Variants in EXOC4 observed in about 807,000 individuals in gnomAD.
The protein encoded by EXOC4 is exocyst complex component 4.
EXOC4 carries 71 observed loss-of-function variants against 107.2 expected under a neutral mutation model. That is an observed-to-expected ratio of 0.66 (90% CI 0.55 to 0.81). The LOEUF (loss-of-function observed/expected upper bound fraction) is 0.81, where lower values mean the gene tolerates loss of function less well. EXOC4 is among the 30% of genes least tolerant of loss of function. EXOC4 has a pLI of 0.00. For synonymous variants in EXOC4, 456 were observed against 441.2 expected (o/e 1.03, Z -0.42); for missense variants, 1,108 against 1,189.6 (o/e 0.93, Z 1.01).
chr7:133,750,300 C>G (rs16874341), intron 10 of EXOC4, among the ~76,000 whole-genome samples: 1 of 151,800 alleles, frequency 6.6e-6, no homozygotes, highest in Non-Finnish European at 1.5e-5. Flanking sequence ...ATTTAGATCT[C>G]GATGTGTTTA....
chr7:133,526,954 G>A (rs956474919), intron 9 of EXOC4, among the ~76,000 whole-genome samples: 1 of 151,154 alleles, frequency 6.6e-6, no homozygotes, highest in Admixed American at 6.6e-5. Context: ...CCTGGCAACA[G>A]AGCGAGACTC....
At chr7:133,815,080 G>T (rs1042162656) in intron 10 of EXOC4, among the ~76,000 whole-genome samples, 2 of 152,096 alleles carry the variant, frequency 1.3e-5, no homozygotes, top group African/African-American at 4.8e-5. Flanking sequence ...AATCAATGAG[G>T]ATAGTCACAA....
rs561606144 is a variant in EXOC4, at chr7:133,743,203, G to A, written c.1515-74122G>A. ...AGAAAAATTAAAAGGAAAAGTCAAG[G>A]TAATTAGGCTAAAGCTGCTGCTTAT... On this transcript the variant is annotated intron_variant, in intron 10 of 17. Transcript: ENST00000253861. Among the ~76,000 whole-genome samples the A allele has an allele frequency of 4.2e-4, 64 of 152,244 alleles. No homozygotes were observed. The South Asian group carries it at 0.012, about 28-fold the overall frequency.
intron 17 of EXOC4, among the ~76,000 whole-genome samples, chr7:134,019,365 A>AT (rs199816671): frequency 7.7e-4 from 116 of 151,498 alleles, no homozygotes; most frequent in African/African-American, 2.1e-3. Context: ...AAGACATGTG[A>AT]TTTTTTTTTA....
At chr7:133,325,812 A>G (rs1795225237) in intron 5 of EXOC4, among the ~76,000 whole-genome samples, 1 of 152,184 alleles carries the variant, frequency 6.6e-6, no homozygotes, top group African/African-American at 2.4e-5. Flanking sequence ...AGTGTTTTCC[A>G]ACTTGGTTCC....
At chr7:134,068,914 A>G (rs925047044), downstream of EXOC4, among the ~76,000 whole-genome samples, 8 of 152,194 alleles carry the variant, frequency 5.3e-5, no homozygotes, top group Non-Finnish European at 1.0e-4. Flanking sequence ...ATTGCCTGTT[A>G]CAGCTCAGGT....
chr7:133,655,192 ACTT>A (rs1803260561), intron 10 of EXOC4, among the ~76,000 whole-genome samples: 2 of 151,558 alleles, frequency 1.3e-5, no homozygotes, highest in Non-Finnish European at 2.9e-5. Flanking sequence ...TTTAAAATAA[ACTT>A]TATTTTAAAA....
intron 14 of EXOC4, among the ~76,000 whole-genome samples, chr7:133,991,721 A>T (rs142657376): frequency 6.6e-6 from 1 of 151,948 alleles, no homozygotes; most frequent in South Asian, 2.1e-4. Context: ...CCTTTCCCCA[A>T]TGTGTGTTCT....
chr7:133,656,098 A>G (rs1803287689), intron 10 of EXOC4, among the ~76,000 whole-genome samples: 1 of 152,118 alleles, frequency 6.6e-6, no homozygotes, highest in Non-Finnish European at 1.5e-5. Flanking sequence ...TAAGCAATCC[A>G]TCCTTGACCG....
chr7:133,338,770 T>TC (rs1563025344), intron 5 of EXOC4, among the ~76,000 whole-genome samples: 2 of 111,362 alleles, frequency 1.8e-5, no homozygotes, highest in Admixed American at 1.1e-4. Context: ...TTTTTTTTTT[T>TC]CAGACAGAGT....
intron 17 of EXOC4, among the ~76,000 whole-genome samples, chr7:134,043,332 G>A (rs1212998553): frequency 6.6e-6 from 1 of 152,048 alleles, no homozygotes; most frequent in Non-Finnish European, 1.5e-5. Context: ...CATTTGGTAG[G>A]GGTGGGATTT....
chr7:133,603,580 T>C (rs1475333162), intron 9 of EXOC4, among the ~76,000 whole-genome samples: 1 of 152,240 alleles, frequency 6.6e-6, no homozygotes, highest in African/African-American at 2.4e-5. Flanking sequence ...CTGTACTACA[T>C]GCACAACGTG....
At chr7:133,550,247 C>T (rs1800559399) in intron 9 of EXOC4, among the ~76,000 whole-genome samples, 1 of 152,000 alleles carries the variant, frequency 6.6e-6, no homozygotes. Context: ...CTAATGTGAC[C>T]CCAGAATCAA....
chr7:133,978,252 C>G (rs1339015904), intron 14 of EXOC4, among the ~76,000 whole-genome samples: 1 of 152,220 alleles, frequency 6.6e-6, no homozygotes, highest in Non-Finnish European at 1.5e-5. Flanking sequence ...TTGGTCTGGG[C>G]TGCTGCACTA....
At chr7:134,008,617 A>G (rs1794697643) in intron 17 of EXOC4, among the ~76,000 whole-genome samples, 1 of 151,700 alleles carries the variant, frequency 6.6e-6, no homozygotes, top group Non-Finnish European at 1.5e-5. Context: ...ACTCATCACT[A>G]TCCTTTCTCT....
intron 9 of EXOC4, among the ~76,000 whole-genome samples, chr7:133,581,427 C>T (rs886495087): frequency 6.6e-6 from 1 of 152,142 alleles, no homozygotes; most frequent in Non-Finnish European, 1.5e-5. Context: ...CTTTTTCATC[C>T]TCACCCTCTG....
At chr7:133,948,973 A>G (rs1800622854) in intron 14 of EXOC4, among the ~76,000 whole-genome samples, 1 of 152,210 alleles carries the variant, frequency 6.6e-6, no homozygotes, top group Admixed American at 6.5e-5. Flanking sequence ...TTGTTCAGCT[A>G]TCTCCCAAAG....
chr7:134,085,841 A>G, the EXOC4 span, among the ~76,000 whole-genome samples: 1 of 152,302 alleles, frequency 6.6e-6, no homozygotes, highest in Admixed American at 6.5e-5. Context: ...TAAAAGGAAG[A>G]TCTTGGGAAT....
intron 9 of EXOC4, among the ~76,000 whole-genome samples, chr7:133,574,568 T>G (rs1801088641): frequency 6.6e-6 from 1 of 152,204 alleles, no homozygotes; most frequent in East Asian, 1.9e-4. Context: ...AGCCAGTCAC[T>G]TTGTCTAGAG....
Sources: gnomAD v4.1 joint callset for allele counts (sites outside exome capture counted in the v4.1 genomes callset) on GRCh38, gnomAD v4.1.1 for gene constraint, MANE v1.5 for transcripts, NCBI Gene and HGNC (gene_info 2026-07-23, HGNC 2026-07-21) for gene names.